Variants in IMMP2L observed in about 807,000 individuals in gnomAD.
The protein encoded by IMMP2L is inner mitochondrial membrane peptidase subunit 2, also known as mitochondrial inner membrane protease subunit 2.
Under a neutral mutation model 19.3 loss-of-function variants are expected in IMMP2L, and 18 were observed. That is an observed-to-expected ratio of 0.93 (90% CI 0.64 to 1.38). The LOEUF (loss-of-function observed/expected upper bound fraction) is 1.38, where lower values mean the gene tolerates loss of function less well. Ranked by LOEUF, IMMP2L falls within the 40% of genes most tolerant of loss-of-function variation. The pLI, the probability that IMMP2L is intolerant of heterozygous loss-of-function variation, is 0.00. For synonymous variants in IMMP2L, 76 were observed against 73.0 expected, an observed-to-expected ratio of 1.04 and a Z score of -0.21; for missense variants, 233 against 218.2, an observed-to-expected ratio of 1.07 and a Z score of -0.43.
intron 3 of IMMP2L, among the ~76,000 whole-genome samples, chr7:111,010,951 AG>A (rs59572830): frequency 0.45 from 68,177 of 149,978 alleles, 16,746 homozygotes; most frequent in Non-Finnish European, 0.57. Flanking sequence ...AAAAAAAAAA[AG>A]GTCAAGATAC....
chr7:110,831,010 T>C (rs747699404), intron 5 of IMMP2L, among the ~76,000 whole-genome samples: 1 of 152,154 alleles, frequency 6.6e-6, no homozygotes, highest in Non-Finnish European at 1.5e-5. Flanking sequence ...AATTAAAGTG[T>C]CTGCTGGCCT....
At chr7:111,210,267 T>A (rs1562929693) in intron 3 of IMMP2L, among the ~76,000 whole-genome samples, 2 of 152,212 alleles carry the variant, frequency 1.3e-5, no homozygotes, top group Non-Finnish European at 2.9e-5. Flanking sequence ...TTTGTCTTAA[T>A]AATTAGAAAG....
intron 3 of IMMP2L, among the ~76,000 whole-genome samples, chr7:111,322,307 AT>A (rs1824809277): frequency 6.6e-6 from 1 of 151,974 alleles, no homozygotes; most frequent in African/African-American, 2.4e-5. Context: ...ATAAATATTT[AT>A]TGAGGTCGAA....
At chr7:111,158,122 A>G (rs1464352034) in intron 3 of IMMP2L, among the ~76,000 whole-genome samples, 1 of 151,956 alleles carries the variant, frequency 6.6e-6, no homozygotes, top group African/African-American at 2.4e-5. Context: ...ATACAAAAAT[A>G]ATACTTTATT....
At chr7:110,996,844 C>T (rs1047068530) in intron 3 of IMMP2L, among the ~76,000 whole-genome samples, 2 of 151,960 alleles carry the variant, frequency 1.3e-5, no homozygotes, top group African/African-American at 4.8e-5. Context: ...ATAAGATCCA[C>T]CGAACTTATT....
intron 3 of IMMP2L, among the ~76,000 whole-genome samples, chr7:111,433,999 C>T (rs1836889081): frequency 6.6e-6 from 1 of 151,598 alleles, no homozygotes; most frequent in African/African-American, 2.4e-5. Flanking sequence ...CAATCCTAAG[C>T]AGAAAGAACA....
rs1198997595 is a variant in IMMP2L, at chr7:111,521,302, A to G, written c.135+11T>C. The G allele has an allele frequency of 1.9e-6, 3 of 1,607,828 alleles. No individual in the cohort carries two copies. The highest frequency in any genetic ancestry group is 2.5e-6 in the Non-Finnish European group (3 of 1,177,288). Reference sequence around the variant, plus strand: ...TATGTGCTTTAAAGAACGAAGTTATATCATTTTCACCTGCATCGATGCTCC... The same window carrying G: ...TATGTGCTTTAAAGAACGAAGTTATGTCATTTTCACCTGCATCGATGCTCC... On this transcript the variant is annotated intron_variant, in intron 2 of 5. Coordinates refer to ENST00000405709, the MANE Select transcript of IMMP2L (RefSeq NM_032549.4).
chr7:110,948,186 A>T (rs201540705), intron 4 of IMMP2L, among the ~76,000 whole-genome samples: 3 of 152,130 alleles, frequency 2.0e-5, no homozygotes, highest in African/African-American at 7.2e-5. Flanking sequence ...TACTTTTTTT[A>T]AAAAATAGAA....
At chr7:110,713,536 C>A (rs1170041066) in intron 5 of IMMP2L, among the ~76,000 whole-genome samples, 1 of 152,130 alleles carries the variant, frequency 6.6e-6, no homozygotes, top group Non-Finnish European at 1.5e-5. Flanking sequence ...TTCTTCCAAT[C>A]AATGAGCATA....
intron 5 of IMMP2L, among the ~76,000 whole-genome samples, chr7:110,841,819 T>G (rs1805116546): frequency 6.6e-6 from 1 of 152,190 alleles, no homozygotes; most frequent in African/African-American, 2.4e-5. Context: ...GACTACATTA[T>G]CAAATTGTCT....
chr7:111,010,058 A>G (rs919192408), intron 3 of IMMP2L, among the ~76,000 whole-genome samples: 6 of 152,160 alleles, frequency 3.9e-5, no homozygotes, highest in Non-Finnish European at 8.8e-5. Context: ...GGTTTCAACT[A>G]TATCAGCATA....
intron 3 of IMMP2L, among the ~76,000 whole-genome samples, chr7:111,286,277 C>G (rs1206506972): frequency 6.6e-6 from 1 of 152,122 alleles, no homozygotes; most frequent in East Asian, 1.9e-4. Context: ...ATTCCTGACA[C>G]TGGGACAGGA....
At chr7:111,260,587 T>G (rs949472373) in intron 3 of IMMP2L, among the ~76,000 whole-genome samples, 3 of 152,136 alleles carry the variant, frequency 2.0e-5, no homozygotes, top group African/African-American at 4.8e-5. Context: ...TAAGGTAATG[T>G]GAAGGTCTCT....
intron 5 of IMMP2L, among the ~76,000 whole-genome samples, chr7:110,697,009 C>T (rs1384194066): frequency 1.3e-5 from 2 of 152,064 alleles, no homozygotes; most frequent in Non-Finnish European, 1.5e-5. Context: ...GGTCGAAATT[C>T]GATTCAAGTT....
intron 1 of IMMP2L, among the ~76,000 whole-genome samples, chr7:111,553,407 T>A (rs1453112235): frequency 1.3e-5 from 2 of 152,200 alleles, no homozygotes; most frequent in Non-Finnish European, 2.9e-5. Context: ...TATATGTCCC[T>A]GCATTCTTAA....
intron 3 of IMMP2L, among the ~76,000 whole-genome samples, chr7:111,214,953 C>T (rs996068980): frequency 2.0e-5 from 3 of 152,046 alleles, no homozygotes; most frequent in African/African-American, 7.2e-5. Context: ...AGAAAAACTC[C>T]AAACTTAAGT....
intron 3 of IMMP2L, among the ~76,000 whole-genome samples, chr7:111,206,370 C>T (rs1032268423): frequency 1.7e-4 from 26 of 152,292 alleles, no homozygotes; most frequent in African/African-American, 6.3e-4. Context: ...TCCAGAATTG[C>T]TAAGCAATTT....
chr7:110,809,175 T>C (rs984412029), intron 5 of IMMP2L, among the ~76,000 whole-genome samples: 1 of 151,950 alleles, frequency 6.6e-6, no homozygotes, highest in African/African-American at 2.4e-5. Context: ...AAAAGCAAAG[T>C]CATATCAATG....
intron 3 of IMMP2L, among the ~76,000 whole-genome samples, chr7:111,413,028 A>G (rs948126814): frequency 9.9e-5 from 15 of 151,040 alleles, no homozygotes; most frequent in African/African-American, 3.7e-4. Context: ...GACACAAATT[A>G]ACAAATATCA....
Sources: gnomAD v4.1 joint callset for allele counts (sites outside exome capture counted in the v4.1 genomes callset) on GRCh38, gnomAD v4.1.1 for gene constraint, MANE v1.5 for transcripts, NCBI Gene and HGNC (gene_info 2026-07-23, HGNC 2026-07-21) for gene names.